CNTNAP2: variants seen among roughly 807,000 people sequenced by gnomAD.
CNTNAP2 encodes contactin-associated protein-like 2.
CNTNAP2 carries 98 observed loss-of-function variants against 155.2 expected under a neutral mutation model. The observed-to-expected ratio is 0.63, with a 90% CI of 0.54 to 0.75. The LOEUF (loss-of-function observed/expected upper bound fraction) is 0.75. Among genes scored for constraint, CNTNAP2 ranks in the 30% least tolerant of loss-of-function variants. The pLI, the probability that CNTNAP2 is intolerant of heterozygous loss-of-function variation, is 0.00. For missense variants in CNTNAP2, 1,727 were observed against 1,688.1 expected (o/e 1.02, Z -0.40); for synonymous variants, 651 against 631.2 (o/e 1.03, Z -0.47).
chr7:148,109,430 G>A (rs887233080), intron 15 of CNTNAP2, among the ~76,000 whole-genome samples: 1 of 151,986 alleles, frequency 6.6e-6, no homozygotes, highest in African/African-American at 2.4e-5. Flanking sequence ...TGTTGCCCAG[G>A]CTGGAGTACA....
intron 22 of CNTNAP2, among the ~76,000 whole-genome samples, chr7:148,389,125 T>C (rs982480517): frequency 3.9e-5 from 6 of 152,240 alleles, no homozygotes; most frequent in Admixed American, 3.9e-4. Flanking sequence ...AGCTGTAGAC[T>C]GGAGCTGTTC....
At chr7:147,384,169 G>A (rs1171502221) in intron 9 of CNTNAP2, among the ~76,000 whole-genome samples, 2 of 152,102 alleles carry the variant, frequency 1.3e-5, no homozygotes, top group Non-Finnish European at 2.9e-5. Context: ...ACCAAGGATA[G>A]ACATCTTAAG....
At chr7:148,017,973 C>CACAAA (rs1203058766) in intron 15 of CNTNAP2, among the ~76,000 whole-genome samples, 2 of 152,206 alleles carry the variant, frequency 1.3e-5, no homozygotes, top group Non-Finnish European at 2.9e-5. Flanking sequence ...TCTTCTTGTG[C>CACAAA]AGGTTTTTCT....
At chr7:147,386,873 C>T (rs1159071595) in intron 9 of CNTNAP2, among the ~76,000 whole-genome samples, 2 of 152,138 alleles carry the variant, frequency 1.3e-5, no homozygotes, top group African/African-American at 2.4e-5. Flanking sequence ...ATACTCGAGA[C>T]TGGGCAATTT....
At chr7:146,653,537 C>T (rs344488) in intron 1 of CNTNAP2, among the ~76,000 whole-genome samples, 126,775 of 152,174 alleles carry the variant, frequency 0.83, 53,462 homozygotes, top group African/African-American at 0.91. Flanking sequence ...TTGAAAAGTA[C>T]ACTAAATCCC....
chr7:146,589,745 A>AT (rs11382505), intron 1 of CNTNAP2, among the ~76,000 whole-genome samples: 1 of 45,928 alleles, frequency 2.2e-5, no homozygotes, highest in Non-Finnish European at 6.7e-5. Flanking sequence ...TGTAGAGTAT[A>AT]AAAAAAAAAG....
At chr7:146,345,490 T>G (rs944246590) in intron 1 of CNTNAP2, among the ~76,000 whole-genome samples, 1 of 152,148 alleles carries the variant, frequency 6.6e-6, no homozygotes, top group Non-Finnish European at 1.5e-5. Context: ...AGATAGAGCT[T>G]TTCCACTATC....
intron 8 of CNTNAP2, among the ~76,000 whole-genome samples, chr7:147,266,232 C>A (rs978699355): frequency 6.6e-6 from 1 of 152,088 alleles, no homozygotes; most frequent in Non-Finnish European, 1.5e-5. Flanking sequence ...AGCTAAGGAC[C>A]ACGATAAAAG....
At chr7:147,404,451 T>C (rs1414898951) in intron 10 of CNTNAP2, among the ~76,000 whole-genome samples, 2 of 152,208 alleles carry the variant, frequency 1.3e-5, no homozygotes, top group African/African-American at 2.4e-5. Flanking sequence ...TTCAGGTAGA[T>C]ACGTTCATCT....
intron 10 of CNTNAP2, among the ~76,000 whole-genome samples, chr7:147,449,376 C>A (rs899528982): frequency 1.7e-4 from 26 of 152,042 alleles, no homozygotes; most frequent in Non-Finnish European, 3.4e-4. Flanking sequence ...CCTCACTATG[C>A]AAATCTGCCA....
At chr7:146,894,109 C>T (rs1795831000) in intron 3 of CNTNAP2, among the ~76,000 whole-genome samples, 1 of 152,164 alleles carries the variant, frequency 6.6e-6, no homozygotes, top group Admixed American at 6.5e-5. Flanking sequence ...ACACACCTGC[C>T]ATTTCCTGGC....
chr7:148,383,268 G>A (rs977616575), intron 21 of CNTNAP2, among the ~76,000 whole-genome samples: 1 of 151,494 alleles, frequency 6.6e-6, no homozygotes, highest in South Asian at 2.1e-4. Flanking sequence ...TTTGCCAGGA[G>A]GGCAGAGCAG....
chr7:148,009,415 T>C (rs1303017217), intron 15 of CNTNAP2, among the ~76,000 whole-genome samples: 1 of 152,186 alleles, frequency 6.6e-6, no homozygotes, highest in Non-Finnish European at 1.5e-5. Context: ...AAGTCAGGGT[T>C]CATCTGTAGT....
intron 13 of CNTNAP2, among the ~76,000 whole-genome samples, chr7:147,823,826 G>T (rs1288098116): frequency 6.6e-6 from 1 of 152,000 alleles, no homozygotes; most frequent in Non-Finnish European, 1.5e-5. Context: ...AGAAGCAAAA[G>T]TAGTAAAGTT....
chr7:148,366,786 G>A (rs950780262), intron 21 of CNTNAP2, among the ~76,000 whole-genome samples: 10 of 152,108 alleles, frequency 6.6e-5, no homozygotes, highest in East Asian at 5.8e-4. Flanking sequence ...GTCAGTAGCA[G>A]AGTTTTCACC....
intron 1 of CNTNAP2, among the ~76,000 whole-genome samples, chr7:146,261,249 A>G (rs895474486): frequency 6.6e-5 from 10 of 152,150 alleles, no homozygotes; most frequent in South Asian, 2.1e-4. Flanking sequence ...CAGTGTGAGA[A>G]TGGAATAATA....
intron 9 of CNTNAP2, among the ~76,000 whole-genome samples, chr7:147,317,294 T>A (rs1795249035): frequency 6.6e-6 from 1 of 152,226 alleles, no homozygotes; most frequent in Admixed American, 6.5e-5. Flanking sequence ...CAATTTCCCC[T>A]ACCCTTTCCA....
chr7:146,921,043 C>T (rs1585158425), intron 3 of CNTNAP2, among the ~76,000 whole-genome samples: 1 of 152,104 alleles, frequency 6.6e-6, no homozygotes, highest in African/African-American at 2.4e-5. Flanking sequence ...CAAAGAGCTA[C>T]ATGTTGTATG....
chr7:146,167,218 C>G (rs888814018), intron 1 of CNTNAP2, among the ~76,000 whole-genome samples: 1 of 152,166 alleles, frequency 6.6e-6, no homozygotes, highest in African/African-American at 2.4e-5. Context: ...TCCCATAGCT[C>G]TAGTATGAAT....
Sources: gnomAD v4.1 joint callset for allele counts (sites outside exome capture counted in the v4.1 genomes callset) on GRCh38, gnomAD v4.1.1 for gene constraint, MANE v1.5 for transcripts, NCBI Gene and HGNC (gene_info 2026-07-23, HGNC 2026-07-21) for gene names.